Variants in DGKD observed in about 807,000 individuals in gnomAD.
The protein encoded by DGKD is DAG kinase delta.
A neutral mutation model predicts 154.4 loss-of-function variants in DGKD; 68 were observed. The observed-to-expected ratio is 0.44, with a 90% confidence interval of 0.36 to 0.54. The LOEUF is 0.54. DGKD is among the 20% of genes least tolerant of loss of function. The probability of loss-of-function intolerance (pLI) is 0.00; values close to 1 mark genes in which losing one functional copy is unlikely to be tolerated. For missense variants in DGKD, 1,343 were observed against 1,593.6 expected (o/e 0.84, Z 2.68); for synonymous variants, 693 against 638.0 (o/e 1.09, Z -1.30).
chr2:233,452,046 T>C lies in DGKD; in HGVS notation c.2250T>C (p.Ser750=). 1 of 1,614,010 alleles carries C rather than the reference T, an allele frequency of 6.2e-7. No individual in the cohort carries two copies. Among genetic ancestry groups the C allele is most frequent in the Non-Finnish European group, 8.5e-7 (1 of 1,179,874 alleles). ...TAATTAATGCTGATCCCTTCAACTC[T>C]GAACCAGAAACCCTGTGAGTATGAG... ...RLLINADPFN[S]EPETLEYYTE... Residue 750 remains serine, a synonymous_variant, in exon 18 of 30, where the codon TCT becomes TCC. Coordinates refer to ENST00000264057, the MANE Select transcript of DGKD (RefSeq NM_152879.3). The surrounding 1 kb of genome is among the most constrained non-coding windows in gnomAD (Gnocchi z 4.0).
chr2:233,438,458 T>C lies in DGKD; in HGVS notation c.1085+79T>C. On this transcript the variant is annotated intron_variant, in intron 9 of 29. Transcript: ENST00000264057. The surrounding 1 kb of genome is among the most constrained non-coding windows in gnomAD (Gnocchi z 4.1). ...GTGTGTGCTTGTTAAAAAAAAAAAG[T>C]TCAAAGACACAAAGCTTTAAATAGG... 7.0e-7 allele frequency: 1 copy of C among 1,428,668 alleles called. No homozygotes were observed. The highest frequency in any genetic ancestry group is 9.5e-7 in the Non-Finnish European group (1 of 1,054,656). 88.5% of individuals were successfully genotyped at this position (1,428,668 alleles called of 1,614,324 possible). A position where few individuals can be genotyped will look rare whatever the true frequency, so the allele number is the denominator to read the frequency against.
Position 233,462,479 on chromosome 2 carries a change from C to G in DGKD, c.3093+20C>G, listed in dbSNP as rs1441704689. 6.3e-7 allele frequency: 1 copy of G among 1,584,840 alleles called. No homozygotes were observed. The highest frequency in any genetic ancestry group is 8.6e-7 in the Non-Finnish European group (1 of 1,158,734). On this transcript the variant is annotated intron_variant, in intron 25 of 29. Transcript: ENST00000264057. ...ACAGAGGTAGCTATTCTGGCCTTTT[C>G]AGTCCTGGCTTCTTCTCAGTGTCTG...
At chr2:233,462,300 G>A (rs749698458) in intron 24 of DGKD, 48 bp from the exon 25 acceptor site, 43 of 1,475,614 alleles carry the variant, frequency 2.9e-5, no homozygotes, top group Non-Finnish European at 3.9e-5. Flanking sequence ...GTGAAAGGCT[G>A]CCCTTCCATT....
intron 3 of DGKD, among the ~76,000 whole-genome samples, chr2:233,413,760 C>T (rs954297739): frequency 1.1e-4 from 17 of 152,386 alleles, no homozygotes; most frequent in African/African-American, 3.6e-4. Flanking sequence ...CCCTGCATGC[C>T]GTGCCCTCCC....
intron 3 of DGKD, among the ~76,000 whole-genome samples, chr2:233,421,370 C>T (rs968466779): frequency 6.6e-6 from 1 of 152,190 alleles, no homozygotes; most frequent in African/African-American, 2.4e-5. Context: ...ACCATCATCT[C>T]GTGATGGGGT....
At chr2:233,468,654 ATTCTT>A in intron 29 of DGKD, 101 bp downstream of exon 29, 3 of 1,547,396 alleles carry the variant, frequency 1.9e-6, no homozygotes, top group South Asian at 1.2e-5. Flanking sequence ...CAGCATCACG[ATTCTT>A]CTCAGGCTTT....
rs892262133 is a variant in DGKD, at chr2:233,471,860, C to G, written c.*2400C>G. 1.6e-4 allele frequency: 24 copies of G among 152,350 alleles called. 1 individual carries two copies. The highest frequency in any genetic ancestry group is 1.3e-4 in the Non-Finnish European group (9 of 68,054). 9.4% of individuals were successfully genotyped at this position (152,350 alleles called of 1,614,324 possible). A position where few individuals can be genotyped will look rare whatever the true frequency, so the allele number is the denominator to read the frequency against. Reference sequence around the variant, plus strand: ...CGGCCCAGGTCCCCTTGTGGTGTTGCCAGACGGGCCTCATGGTCTGCTGTG... The same window carrying G: ...CGGCCCAGGTCCCCTTGTGGTGTTGGCAGACGGGCCTCATGGTCTGCTGTG... On this transcript the variant is annotated 3_prime_UTR_variant, in exon 30 of 30. Transcript: ENST00000264057.
At position 233,460,335 on chromosome 2, in the gene DGKD, C is replaced by T. The variant is rs757940654; in HGVS notation, c.2971C>T (p.Leu991Phe). 1.2e-6 allele frequency: 2 copies of T among 1,613,980 alleles called. No homozygotes were observed. The highest frequency in any genetic ancestry group is 1.7e-4 in the Middle Eastern group (1 of 6,058). ...CCAGTTTGGGCAGGCAGCAGGGGTC[C>T]TCATTCACAGGTGGGCTCCTACCCC... ...MDQFGQAAGVLIHSIREIAQS... is the reference protein window; with the variant it reads ...MDQFGQAAGVFIHSIREIAQS... Residue 991 changes from leucine to phenylalanine, a missense_variant, in exon 24 of 30, where the codon CTC becomes TTC. Leu to Phe is a conservative substitution (Grantham distance 22, BLOSUM62 0). Coordinates refer to ENST00000264057, the MANE Select transcript of DGKD (RefSeq NM_152879.3).
intron 3 of DGKD, among the ~76,000 whole-genome samples, chr2:233,400,148 C>A (rs1298894860): frequency 1.3e-5 from 2 of 152,208 alleles, no homozygotes; most frequent in African/African-American, 4.8e-5. Flanking sequence ...AGACTGACTT[C>A]ATGGTGGCTG....
intron 1 of DGKD, among the ~76,000 whole-genome samples, chr2:233,382,691 C>T (rs1702961399): frequency 6.6e-6 from 1 of 152,206 alleles, no homozygotes; most frequent in Non-Finnish European, 1.5e-5. Context: ...TGTGGAAATC[C>T]TCACTCCTTA....
intron 14 of DGKD, 86 bp downstream of exon 14, chr2:233,448,461 G>T (rs1278414988): frequency 8.2e-6 from 10 of 1,221,134 alleles, no homozygotes; most frequent in African/African-American, 7.6e-5. Flanking sequence ...ACTGCAGGTT[G>T]TCCAGGTTCT....
chr2:233,394,724 T>A (rs867608290), intron 3 of DGKD, among the ~76,000 whole-genome samples: 12 of 133,404 alleles, frequency 9.0e-5, no homozygotes, highest in South Asian at 2.6e-4. Context: ...TTTTTTTTTT[T>A]AGAGATAGGC....
rs186314262 is a variant in DGKD, at chr2:233,425,941, A to G, written c.349-8439A>G. On this transcript the variant is annotated intron_variant, in intron 3 of 29. Coordinates refer to ENST00000264057, the MANE Select transcript of DGKD (RefSeq NM_152879.3). ...AGCATGGTTGTTGAGACACAGGTGT[A>G]TATTTTCAAGTCTGACAGATTTTAC... Among the ~76,000 whole-genome samples the G allele has an allele frequency of 2.2e-4, 33 of 152,360 alleles. 1 individual carries two copies. In the East Asian group the frequency reaches 3.7e-3, roughly 17 times the overall value.
Position 233,433,457 on chromosome 2 carries a change from G to A in DGKD, c.349-923G>A, listed in dbSNP as rs538541280. Reference sequence around the variant, plus strand: ...GTTACCAGAGGCTGGGAAGGGTAGTGGGGCTGGGGGGATGGTTAATAGGTA... The same window carrying A: ...GTTACCAGAGGCTGGGAAGGGTAGTAGGGCTGGGGGGATGGTTAATAGGTA... On this transcript the variant is annotated intron_variant, in intron 3 of 29. Transcript: ENST00000264057. Among the ~76,000 whole-genome samples, 5 of 152,294 alleles carry A rather than the reference G, an allele frequency of 3.3e-5. No individual in the cohort carries two copies. In the South Asian group the frequency reaches 1.0e-3, roughly 32 times the overall value.
chr2:233,411,254 A>T (rs1379875673), intron 3 of DGKD, among the ~76,000 whole-genome samples: 1 of 152,198 alleles, frequency 6.6e-6, no homozygotes, highest in African/African-American at 2.4e-5. Flanking sequence ...TTAACTTCTT[A>T]AGAGGCTGCT....
intron 1 of DGKD, among the ~76,000 whole-genome samples, chr2:233,379,096 G>A (rs1256190197): frequency 6.6e-6 from 1 of 152,156 alleles, no homozygotes; most frequent in Non-Finnish European, 1.5e-5. Context: ...TGAACCTGAG[G>A]GACTGTTGGT....
At chr2:233,418,375 C>T (rs2062015642) in intron 3 of DGKD, among the ~76,000 whole-genome samples, 1 of 152,212 alleles carries the variant, frequency 6.6e-6, no homozygotes, top group Non-Finnish European at 1.5e-5. Context: ...CCAACCATGG[C>T]AGTCCCCAAT....
chr2:233,390,882 T>C (rs1176531722), intron 3 of DGKD, among the ~76,000 whole-genome samples: 2 of 152,120 alleles, frequency 1.3e-5, no homozygotes, highest in African/African-American at 4.8e-5. Flanking sequence ...TACAGGCATG[T>C]GCCACCACAC....
chr2:233,364,879 G>A lies in DGKD; in HGVS notation c.156+10205G>A, dbSNP rs185337554. Among the ~76,000 whole-genome samples the A allele has an allele frequency of 3.2e-3, 485 of 152,174 alleles. 1 individual carries two copies. Among genetic ancestry groups the A allele is most frequent in the African/African-American group, 0.011 (450 of 41,524 alleles). ...TGACTAGGCTATTTGAAAGAGATAC[G>A]TTTAAAACATAAGGATATTAAAAGA... On this transcript the variant is annotated intron_variant, in intron 1 of 29. Coordinates refer to ENST00000264057, the MANE Select transcript of DGKD (RefSeq NM_152879.3).
Sources: allele counts gnomAD v4.1 joint callset (sites outside exome capture counted in the v4.1 genomes callset), GRCh38; gene constraint gnomAD v4.1.1; non-coding constraint Gnocchi (gnomAD v3.1); transcripts MANE v1.5; gene names NCBI Gene and HGNC (gene_info 2026-07-23, HGNC 2026-07-21).